Variants in PHACTR1 observed in about 807,000 individuals in gnomAD.
PHACTR1 encodes the protein phosphatase and actin regulator 1.
A neutral mutation model predicts 69.2 loss-of-function variants in PHACTR1; 16 were observed. The ratio of observed to expected loss-of-function variants is 0.23; its 90% CI spans 0.16 to 0.35. PHACTR1 has a LOEUF of 0.35. Ranked by LOEUF, PHACTR1 falls within the 10% of genes least tolerant of loss-of-function variation. The probability of loss-of-function intolerance (pLI) is 1.00; values close to 1 mark genes in which losing one functional copy is unlikely to be tolerated. For synonymous variants in PHACTR1, 312 were observed against 284.5 expected, an observed-to-expected ratio of 1.10 and a Z score of -0.97; for missense variants, 510 against 734.7, an observed-to-expected ratio of 0.69 and a Z score of 3.54.
At chr6:13,137,089 AT>A (rs752803066) in intron 5 of PHACTR1, among the ~76,000 whole-genome samples, 9 of 152,368 alleles carry the variant, frequency 5.9e-5, no homozygotes, top group Non-Finnish European at 1.2e-4. Context: ...TTCAATTTGT[AT>A]AAAATGCTGT....
At chr6:12,882,657 A>G (rs1276180284) in intron 4 of PHACTR1, among the ~76,000 whole-genome samples, 4 of 152,204 alleles carry the variant, frequency 2.6e-5, no homozygotes, top group East Asian at 3.9e-4. Context: ...AAAGCAATGT[A>G]TGAGTACTGT....
At chr6:12,994,967 A>G (rs1797253323) in intron 4 of PHACTR1, among the ~76,000 whole-genome samples, 1 of 152,118 alleles carries the variant, frequency 6.6e-6, no homozygotes, top group Non-Finnish European at 1.5e-5. Context: ...CTCACTGAAC[A>G]AAGGAATCGC....
chr6:12,873,298 T>G (rs1782236443), intron 4 of PHACTR1, among the ~76,000 whole-genome samples: 1 of 152,138 alleles, frequency 6.6e-6, no homozygotes, highest in African/African-American at 2.4e-5. Flanking sequence ...AATACAGTCA[T>G]AAGCCAACTT....
At chr6:12,968,751 A>G (rs779831299) in intron 4 of PHACTR1, among the ~76,000 whole-genome samples, 3 of 152,204 alleles carry the variant, frequency 2.0e-5, no homozygotes, top group Non-Finnish European at 4.4e-5. Flanking sequence ...TGTATAATTG[A>G]CACAAATGGA....
intron 11 of PHACTR1, among the ~76,000 whole-genome samples, chr6:13,276,925 T>C (rs1229160698): frequency 6.6e-6 from 1 of 152,254 alleles, no homozygotes. Flanking sequence ...ATTTTCAAAA[T>C]GAGCCAACTA....
chr6:13,071,319 A>G (rs1489050949), intron 5 of PHACTR1, among the ~76,000 whole-genome samples: 3 of 151,924 alleles, frequency 2.0e-5, no homozygotes, highest in African/African-American at 4.8e-5. Flanking sequence ...TCCCAGCTAC[A>G]TGGGAGGCTG....
chr6:12,889,012 C>A (rs373152846), intron 4 of PHACTR1, among the ~76,000 whole-genome samples: 2 of 152,172 alleles, frequency 1.3e-5, no homozygotes, highest in Admixed American at 1.3e-4. Flanking sequence ...GTGGCTCACA[C>A]CTGTAATCCT....
At chr6:12,773,204 T>A (rs1769613702) in intron 4 of PHACTR1, among the ~76,000 whole-genome samples, 1 of 152,198 alleles carries the variant, frequency 6.6e-6, no homozygotes, top group African/African-American at 2.4e-5. Flanking sequence ...TTTAAAAAAA[T>A]GTTTGTATCT....
intron 4 of PHACTR1, among the ~76,000 whole-genome samples, chr6:12,804,711 A>G (rs1774102510): frequency 2.0e-5 from 3 of 152,142 alleles, no homozygotes. Context: ...AGTCCCAGCT[A>G]CTGCTTGAGC....
chr6:13,134,085 G>T (rs77962817), intron 5 of PHACTR1, among the ~76,000 whole-genome samples: 1 of 151,774 alleles, frequency 6.6e-6, no homozygotes, highest in Admixed American at 6.5e-5. Flanking sequence ...GAAGTGAGGA[G>T]CCCCTCCGCC....
intron 4 of PHACTR1, chr6:12,957,269 A>G (rs1226859751): frequency 8.7e-6 from 7 of 804,768 alleles, no homozygotes; most frequent in Non-Finnish European, 1.1e-5. Context: ...AAAAAAAAAA[A>G]AAAAAAGCCC....
At chr6:12,719,232 A>G (rs1412615080) in intron 3 of PHACTR1, among the ~76,000 whole-genome samples, 3 of 152,214 alleles carry the variant, frequency 2.0e-5, no homozygotes, top group African/African-American at 7.2e-5. Flanking sequence ...ACTGGAATCC[A>G]GCAGGATTAG....
intron 5 of PHACTR1, among the ~76,000 whole-genome samples, chr6:13,136,241 A>G (rs934088294): frequency 1.1e-4 from 17 of 152,062 alleles, no homozygotes; most frequent in African/African-American, 4.1e-4. Context: ...GCTCTTAGCT[A>G]GGTCTTCTGA....
At position 13,182,529 on chromosome 6, in the gene PHACTR1, C is replaced by T; in HGVS notation, c.507C>T (p.Leu169=). 17 of 1,613,900 alleles carry T rather than the reference C, an allele frequency of 1.1e-5. No individual in the cohort carries two copies. Among genetic ancestry groups the T allele is most frequent in the Non-Finnish European group, 1.4e-5 (17 of 1,179,818 alleles). ...LKEIYDKDGE[L]SISNEEDSLE... is the part of the protein sequence containing the mutation. ...TTTTCTCTCTGACAGATGGGGAACT[C>T]TCTATATCCAATGAAGAGGACTCCC... is the stretch of plus-strand genomic sequence containing the variant. Residue 169 remains leucine (L), a synonymous_variant, in exon 7 of 15, where the codon CTC becomes CTT. Transcript: ENST00000332995.
intron 3 of PHACTR1, among the ~76,000 whole-genome samples, chr6:12,729,182 C>A (rs755988885): frequency 1.3e-5 from 2 of 152,096 alleles, no homozygotes; most frequent in African/African-American, 4.8e-5. Flanking sequence ...TTTGGAGACA[C>A]GAAACAGCCT....
Position 12,790,517 on chromosome 6 carries a change from G to A in PHACTR1, c.250+40727G>A, listed in dbSNP as rs1364083453. 7.9e-5 allele frequency among the ~76,000 whole-genome samples: 12 copies of A among 152,236 alleles called. No individual in the cohort carries two copies. The East Asian group carries it at 9.6e-4, about 12-fold the overall frequency. ...ACCCATTCCCAGCCCTCTTGCTTTC[G>A]CATTGTTCATTGTCTATCTCCCTAA... On this transcript the variant is annotated intron_variant, in intron 4 of 14. Transcript: ENST00000332995.
At chr6:12,805,564 CTTCT>C (rs1213080387) in intron 4 of PHACTR1, among the ~76,000 whole-genome samples, 4 of 151,848 alleles carry the variant, frequency 2.6e-5, no homozygotes, top group South Asian at 2.1e-4. Flanking sequence ...ACTTGAATGG[CTTCT>C]TTCTTTCTTT....
chr6:13,045,720 T>A (rs1166990675), intron 4 of PHACTR1, among the ~76,000 whole-genome samples: 3 of 152,212 alleles, frequency 2.0e-5, no homozygotes, highest in African/African-American at 7.2e-5. Flanking sequence ...CCCCGCATTG[T>A]ATGTCAGCAC....
At chr6:12,828,303 A>T (rs1165168574) in intron 4 of PHACTR1, among the ~76,000 whole-genome samples, 1 of 152,236 alleles carries the variant, frequency 6.6e-6, no homozygotes, top group Admixed American at 6.5e-5. Flanking sequence ...ATTGATTCTT[A>T]TACAGTACAT....
Sources: gnomAD v4.1 joint callset for allele counts (sites outside exome capture counted in the v4.1 genomes callset) on GRCh38, gnomAD v4.1.1 for gene constraint, MANE v1.5 for transcripts, NCBI Gene and HGNC (gene_info 2026-07-23, HGNC 2026-07-21) for gene names.